The following SCARB1 variants were observed in gnomAD, a reference collection of about 807,000 sequenced individuals.
SCARB1 encodes the protein scavenger receptor class B member 1.
In SCARB1, 30 loss-of-function variants were observed where a neutral mutation model predicts 57.2. The ratio of observed to expected loss-of-function variants is 0.52; its 90% CI spans 0.39 to 0.71. The LOEUF (loss-of-function observed/expected upper bound fraction) is 0.71, where lower values mean the gene tolerates loss of function less well. Ranked by LOEUF, SCARB1 falls within the 30% of genes least tolerant of loss-of-function variation. The pLI is 0.00. For synonymous variants in SCARB1, 249 were observed against 268.3 expected, an observed-to-expected ratio of 0.93 and a Z score of 0.70; for missense variants, 543 against 671.2, an observed-to-expected ratio of 0.81 and a Z score of 2.11.
intron 9 of SCARB1, among the ~76,000 whole-genome samples, chr12:124,793,611 T>C (rs907711321): frequency 2.1e-5 from 3 of 145,348 alleles, no homozygotes; most frequent in South Asian, 2.1e-4. Context: ...GAGAATGGCG[T>C]GAACCCAGGA....
intron 1 of SCARB1, chr12:124,821,482 T>G (rs892788242): frequency 1.0e-6 from 1 of 969,980 alleles, no homozygotes; most frequent in Non-Finnish European, 1.2e-6. Flanking sequence ...TCTCAATCTC[T>G]CTCTCTCTCT....
chr12:124,836,577 G>C (rs1173369660), intron 1 of SCARB1, among the ~76,000 whole-genome samples: 1 of 152,150 alleles, frequency 6.6e-6, no homozygotes, highest in Admixed American at 6.5e-5. Flanking sequence ...AGGATCACTG[G>C]AGCCCAGGAG....
At position 124,817,020 on chromosome 12, in the gene SCARB1, ATGTGTGTG is replaced by A. The variant is rs71092225; in HGVS notation, c.284+522_284+529del. On this transcript the variant is annotated intron_variant, in intron 2 of 12. Coordinates refer to ENST00000261693, the MANE Select transcript of SCARB1 (RefSeq NM_005505.5). This position sits in a 1 kb window ranked among gnomAD's most constrained non-coding sequence, Gnocchi z 4.8. ...GGTCGGTCCCTGCTCCTGGTCATGC[ATGTGTGTG>A]TGTGTGTGTGTGTGTGTGTGTATGT... Among the ~76,000 whole-genome samples the A allele has an allele frequency of 0.019, 2,712 of 146,034 alleles. 80 individuals carry two copies. Among genetic ancestry groups the A allele is most frequent in the African/African-American group, 0.063 (2,505 of 39,726 alleles).
At chr12:124,863,315 C>A (rs533279048) in intron 1 of SCARB1, among the ~76,000 whole-genome samples, 6 of 152,168 alleles carry the variant, frequency 3.9e-5, no homozygotes, top group Admixed American at 3.9e-4. Flanking sequence ...GCGGGTCAGG[C>A]GCCCGGGTGG....
chr12:124,815,449 A>G (rs889132162), intron 2 of SCARB1, among the ~76,000 whole-genome samples: 1 of 152,218 alleles, frequency 6.6e-6, no homozygotes. Flanking sequence ...AAAGCAATCA[A>G]CACAGCCGCC....
chr12:124,859,265 C>T (rs575460270), intron 1 of SCARB1, among the ~76,000 whole-genome samples: 2 of 152,130 alleles, frequency 1.3e-5, no homozygotes, highest in African/African-American at 2.4e-5. Context: ...TGGTGGCTCA[C>T]GCCTGTAATT....
chr12:124,811,784 C>G (rs1316397500), intron 5 of SCARB1, 86 bp downstream of exon 5: 1 of 864,956 alleles, frequency 1.2e-6, no homozygotes, highest in Non-Finnish European at 1.9e-6. Context: ...AAGGAGCTCT[C>G]TGGTCCCTGC....
intron 1 of SCARB1, among the ~76,000 whole-genome samples, chr12:124,850,736 C>T (rs1255718269): frequency 6.6e-6 from 1 of 152,222 alleles, no homozygotes; most frequent in East Asian, 1.9e-4. Context: ...GCTACTACCT[C>T]CTCAAGAGGC....
Position 124,840,892 on chromosome 12 carries a change from G to A in SCARB1, c.126+22703C>T, listed in dbSNP as rs546190671. The stretch of plus-strand genomic sequence containing the variant: ...AGCTCTTCAAGACTGAGTCAGGCTG[G>A]GCGTGGTGGCTCACACCTGTAATCC... On this transcript the variant is annotated intron_variant, in intron 1 of 12. Transcript: ENST00000261693. Among the ~76,000 whole-genome samples the A allele has an allele frequency of 3.3e-5, 5 of 152,340 alleles. No individual in the cohort carries two copies. The South Asian group carries it at 1.0e-3, about 32-fold the overall frequency.
intron 7 of SCARB1, among the ~76,000 whole-genome samples, chr12:124,802,119 C>T (rs555081367): frequency 3.6e-4 from 53 of 147,700 alleles, no homozygotes; most frequent in Non-Finnish European, 7.0e-4. Flanking sequence ...CATTGCACTC[C>T]AGCCTTGGCA....
intron 1 of SCARB1, among the ~76,000 whole-genome samples, chr12:124,821,805 C>T (rs1347408145): frequency 1.3e-5 from 2 of 152,318 alleles, no homozygotes; most frequent in African/African-American, 4.8e-5. Context: ...CCCACCTCCA[C>T]CCGGGTTAAG....
intron 1 of SCARB1, among the ~76,000 whole-genome samples, chr12:124,833,652 C>T (rs1006946100): frequency 1.3e-5 from 2 of 152,176 alleles, no homozygotes; most frequent in Non-Finnish European, 2.9e-5. Flanking sequence ...CCCCTCCACC[C>T]CAGGGAACAC....
chr12:124,794,886 C>T (rs117585141), intron 9 of SCARB1, among the ~76,000 whole-genome samples: 6,363 of 152,122 alleles, frequency 0.042, 351 homozygotes, highest in African/African-American at 0.13. Context: ...GCCAATATCC[C>T]GCCCTTGCAC....
At chr12:124,786,599 C>G (rs971561160) in intron 10 of SCARB1, 96 bp from the exon 11 acceptor site, 1 of 1,561,146 alleles carries the variant, frequency 6.4e-7, no homozygotes, top group African/African-American at 1.4e-5. Flanking sequence ...CCCGCCTCAG[C>G]TTTTCCCCAC....
chr12:124,827,605 A>C (rs1374241397), intron 1 of SCARB1, among the ~76,000 whole-genome samples: 2 of 152,078 alleles, frequency 1.3e-5, no homozygotes, highest in Non-Finnish European at 2.9e-5. Flanking sequence ...GTCTCATTCC[A>C]CAACCACTGT....
chr12:124,814,543 G>T lies in SCARB1; in HGVS notation c.427-138C>A. 1.2e-6 allele frequency: 1 copy of T among 855,344 alleles called. No homozygotes were observed. Among genetic ancestry groups the T allele is most frequent in the Non-Finnish European group, 1.9e-6 (1 of 517,942 alleles). 53.0% of individuals were successfully genotyped at this position (855,344 alleles called of 1,614,324 possible). A position where few individuals can be genotyped will look rare whatever the true frequency, so the allele number is the denominator to read the frequency against. ...GGAGGCCCCTGGAGTGGCCACGTGG[G>T]GCATCTGGGACACCAGAACCACCCT... On this transcript the variant is annotated intron_variant, in intron 3 of 12. Coordinates refer to ENST00000261693, the MANE Select transcript of SCARB1 (RefSeq NM_005505.5). The surrounding 1 kb of genome is among the most constrained non-coding windows in gnomAD (Gnocchi z 4.7).
chr12:124,788,792 G>A (rs141429637), intron 9 of SCARB1, among the ~76,000 whole-genome samples: 4 of 152,096 alleles, frequency 2.6e-5, no homozygotes, highest in South Asian at 2.1e-4. Context: ...CAGCAATTAC[G>A]CTCTTCAGAA....
At chr12:124,855,848 T>C (rs553756889) in intron 1 of SCARB1, among the ~76,000 whole-genome samples, 5 of 152,286 alleles carry the variant, frequency 3.3e-5, no homozygotes, top group African/African-American at 9.6e-5. Flanking sequence ...GGAACCTCCA[T>C]GCAGGACCCA....
intron 1 of SCARB1, among the ~76,000 whole-genome samples, chr12:124,846,820 G>A (rs1190006582): frequency 6.7e-6 from 1 of 148,362 alleles, no homozygotes; most frequent in Non-Finnish European, 1.5e-5. Flanking sequence ...ATATGACATG[G>A]CCATGAAAAT....
Sources: allele counts gnomAD v4.1 joint callset (sites outside exome capture counted in the v4.1 genomes callset), GRCh38; gene constraint gnomAD v4.1.1; non-coding constraint Gnocchi (gnomAD v3.1); transcripts MANE v1.5; gene names NCBI Gene and HGNC (gene_info 2026-07-23, HGNC 2026-07-21).